ASTN2: variants seen among roughly 807,000 people sequenced by gnomAD.
ASTN2 encodes the protein astrotactin 2.
Under a neutral mutation model 139.8 loss-of-function variants are expected in ASTN2, and 54 were observed. The ratio of observed to expected loss-of-function variants is 0.39; its 90% CI spans 0.31 to 0.48. The LOEUF (loss-of-function observed/expected upper bound fraction) is 0.48. Ranked by LOEUF, ASTN2 falls within the 20% of genes least tolerant of loss-of-function variation. ASTN2 has a pLI of 0.95. For missense variants in ASTN2, 1,565 were observed against 1,725.1 expected, an observed-to-expected ratio of 0.91 and a Z score of 1.64; for synonymous variants, 756 against 719.5, an observed-to-expected ratio of 1.05 and a Z score of -0.81.
intron 10 of ASTN2, among the ~76,000 whole-genome samples, chr9:116,898,962 T>C (rs1003870645): frequency 2.6e-5 from 4 of 152,202 alleles, no homozygotes; most frequent in African/African-American, 9.7e-5. Context: ...AGGCATGAGC[T>C]ACCATATGCA....
chr9:117,369,474 C>T (rs370170821), intron 1 of ASTN2, among the ~76,000 whole-genome samples: 13 of 152,146 alleles, frequency 8.5e-5, no homozygotes, highest in African/African-American at 2.6e-4. Flanking sequence ...ACTGAGGCTC[C>T]TACAGGTCAA....
At position 116,820,403 on chromosome 9, in the gene ASTN2, C is replaced by A. The variant is rs1021192734; in HGVS notation, c.2207+214G>T. Among the ~76,000 whole-genome samples, 4 of 152,304 alleles carry A rather than the reference C, an allele frequency of 2.6e-5. No homozygotes were observed. In the South Asian group the frequency reaches 8.3e-4, roughly 32 times the overall value. Reference sequence around the variant, plus strand: ...GTTATATTTATTACATTTATTAACCCAATCTTTATTTTTCTCATTTTTTTC... The same window carrying A: ...GTTATATTTATTACATTTATTAACCAAATCTTTATTTTTCTCATTTTTTTC... On this transcript the variant is annotated intron_variant, in intron 12 of 22. Coordinates refer to ENST00000313400, the MANE Select transcript of ASTN2 (RefSeq NM_001365068.1).
At chr9:116,467,806 T>C (rs1848695791) in intron 20 of ASTN2, among the ~76,000 whole-genome samples, 1 of 152,216 alleles carries the variant, frequency 6.6e-6, no homozygotes, top group Admixed American at 6.5e-5. Context: ...TCTGGCACAT[T>C]TCTAAATATT....
intron 20 of ASTN2, among the ~76,000 whole-genome samples, chr9:116,480,736 G>A (rs1021981251): frequency 4.6e-5 from 7 of 152,166 alleles, no homozygotes; most frequent in African/African-American, 1.4e-4. Context: ...AAGAGTCAAG[G>A]GAAGGACATC....
chr9:116,785,776 C>G (rs1830357425), intron 13 of ASTN2, among the ~76,000 whole-genome samples: 1 of 152,154 alleles, frequency 6.6e-6, no homozygotes, highest in Non-Finnish European at 1.5e-5. Context: ...TCTGAACATG[C>G]TCCAATCCAC....
At chr9:116,921,326 C>T (rs915820687) in intron 10 of ASTN2, among the ~76,000 whole-genome samples, 4 of 152,142 alleles carry the variant, frequency 2.6e-5, no homozygotes, top group South Asian at 4.1e-4. Flanking sequence ...TGGTGGCTCA[C>T]GCCTGTAATT....
intron 20 of ASTN2, among the ~76,000 whole-genome samples, chr9:116,471,065 CT>C (rs1367868312): frequency 2.6e-5 from 4 of 152,178 alleles, no homozygotes; most frequent in Non-Finnish European, 4.4e-5. Flanking sequence ...GATTTAATAT[CT>C]GTGTAGAAGC....
chr9:117,327,693 T>A (rs1429662964), intron 1 of ASTN2, among the ~76,000 whole-genome samples: 5 of 152,164 alleles, frequency 3.3e-5, no homozygotes. Flanking sequence ...AAGAAACCGA[T>A]GCAGAAGTCC....
chr9:116,580,282 G>C (rs549103183), intron 19 of ASTN2, among the ~76,000 whole-genome samples: 1 of 152,196 alleles, frequency 6.6e-6, no homozygotes, highest in African/African-American at 2.4e-5. Flanking sequence ...GGGCAGGGGA[G>C]AGGAAACAGG....
chr9:117,032,383 T>C (rs1838271909), intron 6 of ASTN2, among the ~76,000 whole-genome samples: 1 of 152,140 alleles, frequency 6.6e-6, no homozygotes, highest in African/African-American at 2.4e-5. Context: ...GAAGCCATAT[T>C]GTACAGAACT....
In ASTN2 at chr9:117,060,509, GA is replaced by G. The variant is rs1449498011; in HGVS notation, c.1277-20545del. Among the ~76,000 whole-genome samples, 611 of 96,406 alleles carry G rather than the reference GA, an allele frequency of 6.3e-3. 39 individuals carry two copies. Among genetic ancestry groups the G allele is most frequent in the East Asian group, 0.016 (50 of 3,054 alleles). 63.2% of individuals were successfully genotyped at this position (96,406 alleles called of 152,430 possible). A position where few individuals can be genotyped will look rare whatever the true frequency, so the allele number is the denominator to read the frequency against. ...GGAATGAAAGAAAGAAAGAAAGAAAGAAAGGAAGGAAGGAAGGAAGGAAGGA... is the reference window on the plus strand; with the variant it reads ...GGAATGAAAGAAAGAAAGAAAGAAAGAAGGAAGGAAGGAAGGAAGGAAGGA... On this transcript the variant is annotated intron_variant, in intron 5 of 22. Transcript: ENST00000313400.
intron 13 of ASTN2, among the ~76,000 whole-genome samples, chr9:116,769,852 C>A (rs1829909899): frequency 6.6e-6 from 1 of 151,986 alleles, no homozygotes; most frequent in African/African-American, 2.4e-5. Flanking sequence ...CAAGACCATG[C>A]TGGGCAACAT....
chr9:117,046,026 A>ATGTATGTATGTATGTG (rs1554772775), intron 5 of ASTN2, among the ~76,000 whole-genome samples: 2 of 146,294 alleles, frequency 1.4e-5, no homozygotes, highest in African/African-American at 4.9e-5. Context: ...GTATGTATGT[A>ATGTATGTATGTATGTG]GTCTCACTCT....
In ASTN2 at chr9:117,221,657, G is replaced by A. The variant is rs190016084; in HGVS notation, c.631-6915C>T. Among the ~76,000 whole-genome samples the A allele has an allele frequency of 9.9e-5, 15 of 152,176 alleles. No homozygotes were observed. The East Asian group carries it at 2.9e-3, about 30-fold the overall frequency. On this transcript the variant is annotated intron_variant, in intron 2 of 22. Transcript: ENST00000313400. ...TCTCGTCACTTGTTTCTGGTCCCTG[G>A]CAGCCACGATGCCATGATGGCTGAG... is the stretch of plus-strand genomic sequence containing the variant.
intron 20 of ASTN2, among the ~76,000 whole-genome samples, chr9:116,462,991 C>T (rs1224802590): frequency 1.3e-5 from 2 of 152,094 alleles, no homozygotes; most frequent in Admixed American, 6.6e-5. Context: ...GTCATCCTCC[C>T]CATCATGGTG....
At chr9:117,412,076 T>C (rs886647635) in intron 1 of ASTN2, among the ~76,000 whole-genome samples, 1 of 149,314 alleles carries the variant, frequency 6.7e-6, no homozygotes, top group African/African-American at 2.5e-5. Flanking sequence ...GAACTCATTG[T>C]GCACTCTGTG....
At chr9:116,969,169 A>G (rs1331770965) in intron 10 of ASTN2, among the ~76,000 whole-genome samples, 1 of 152,122 alleles carries the variant, frequency 6.6e-6, no homozygotes, top group Non-Finnish European at 1.5e-5. Flanking sequence ...GATGTGGGAT[A>G]TTGGCAAAGA....
intron 4 of ASTN2, among the ~76,000 whole-genome samples, chr9:117,139,723 G>C (rs1830029632): frequency 1.3e-5 from 2 of 152,166 alleles, no homozygotes; most frequent in Admixed American, 1.3e-4. Context: ...GCTAAGGAAA[G>C]AGCCAGACAA....
At chr9:116,912,969 G>A (rs1834356915) in intron 10 of ASTN2, among the ~76,000 whole-genome samples, 1 of 151,968 alleles carries the variant, frequency 6.6e-6, no homozygotes, top group Non-Finnish European at 1.5e-5. Flanking sequence ...TGTGATCTCG[G>A]CTCGGCTCAC....
Sources: allele counts gnomAD v4.1 joint callset (sites outside exome capture counted in the v4.1 genomes callset), GRCh38; gene constraint gnomAD v4.1.1; transcripts MANE v1.5; gene names NCBI Gene and HGNC (gene_info 2026-07-23, HGNC 2026-07-21).